BTBD3: variants seen among roughly 807,000 people sequenced by gnomAD.
BTBD3 encodes BTB/POZ domain-containing protein 3.
BTBD3 carries 14 observed loss-of-function variants against 41.6 expected under a neutral mutation model. The ratio of observed to expected loss-of-function variants is 0.34; its 90% CI spans 0.22 to 0.53. The LOEUF (loss-of-function observed/expected upper bound fraction) is 0.53. Ranked by LOEUF, BTBD3 falls within the 20% of genes least tolerant of loss-of-function variation. The probability of loss-of-function intolerance (pLI) is 0.95; values close to 1 mark genes in which losing one functional copy is unlikely to be tolerated. For synonymous variants in BTBD3, 249 were observed against 233.7 expected (o/e 1.07, Z -0.60); for missense variants, 426 against 654.7 (o/e 0.65, Z 3.81).
chr20:11,915,203 C>G (rs1024433416), upstream of BTBD3, among the ~76,000 whole-genome samples: 44 of 152,182 alleles, frequency 2.9e-4, no homozygotes, highest in African/African-American at 1.1e-3. Flanking sequence ...TCATCACTGT[C>G]ATTATCTTTT....
intron 1 of BTBD3, among the ~76,000 whole-genome samples, chr20:11,904,814 G>C (rs958603076): frequency 3.3e-5 from 5 of 152,164 alleles, no homozygotes; most frequent in Non-Finnish European, 7.3e-5. Context: ...ATAAGTAGTA[G>C]TTTCTTAAAG....
At chr20:11,900,011 T>G (rs1270963100) in intron 1 of BTBD3, among the ~76,000 whole-genome samples, 1 of 152,222 alleles carries the variant, frequency 6.6e-6, no homozygotes, top group Non-Finnish European at 1.5e-5. Flanking sequence ...TATACCTAGC[T>G]CCTTGTGTAT....
rs112568123 is a variant in BTBD3 at position 11,923,874 on chromosome 20, C to T, written c.*208C>T. 2.4e-5 allele frequency: 13 copies of T among 542,706 alleles called. No homozygotes were observed. The highest frequency in any genetic ancestry group is 6.1e-5 in the East Asian group (2 of 32,812). 33.6% of individuals were successfully genotyped at this position (542,706 alleles called of 1,614,324 possible). The stretch of plus-strand genomic sequence containing the variant: ...TTAACTATCTGCTTAAAAGAGCTAA[C>T]GTTCTTATTAAGGCTTTGTGGTTTT... On this transcript the variant is annotated 3_prime_UTR_variant, in exon 4 of 4. Transcript: ENST00000378226. The surrounding 1 kb of genome is among the most constrained non-coding windows in gnomAD (Gnocchi z 5.3).
chr20:11,906,057 A>G (rs2056851588), intron 1 of BTBD3, among the ~76,000 whole-genome samples: 1 of 151,740 alleles, frequency 6.6e-6, no homozygotes, highest in African/African-American at 2.4e-5. Context: ...ATTTGAGCAG[A>G]TTTATTTATT....
intron 3 of BTBD3, 89 bp downstream of exon 3, chr20:11,919,925 C>G: frequency 8.7e-7 from 1 of 1,143,304 alleles, no homozygotes; most frequent in Non-Finnish European, 1.3e-6. Flanking sequence ...TTCTGCATAA[C>G]AGAAAAGAAG....
intron 1 of BTBD3, among the ~76,000 whole-genome samples, chr20:11,892,091 A>G (rs1303369918): frequency 6.6e-6 from 1 of 152,232 alleles, no homozygotes; most frequent in African/African-American, 2.4e-5. Flanking sequence ...TGGTGAGATG[A>G]AACTCAAATT....
chr20:11,919,347 C>G (rs2078588808), intron 2 of BTBD3, 171 bp downstream of exon 2: 2 of 1,409,162 alleles, frequency 1.4e-6, no homozygotes, highest in Non-Finnish European at 1.8e-6. Flanking sequence ...TTAATTTTTT[C>G]TTTGTTTCCT....
chr20:11,898,193 C>T (rs1342126743), intron 1 of BTBD3, among the ~76,000 whole-genome samples: 1 of 151,884 alleles, frequency 6.6e-6, no homozygotes, highest in Non-Finnish European at 1.5e-5. Flanking sequence ...ATTAAAAAGC[C>T]CTACATGATC....
Position 11,918,503 on chromosome 20 carries a change from C to T in BTBD3, c.228C>T (p.Ser76=), listed in dbSNP as rs762961447. Residue 76 remains serine (S), a synonymous_variant, in exon 1 of 4, where the codon AGC becomes AGT. Transcript: ENST00000378226. ...CCCGTAAAAAGCCAGCCAACTCCAG[C>T]AGCACCAGCGTCCAGCAGTACCACC... is the stretch of plus-strand genomic sequence containing the variant. The part of the protein sequence containing the change: ...IFPRKKPANS[S]STSVQQYHQQ... 1 of 1,614,188 alleles carries T rather than the reference C, an allele frequency of 6.2e-7. No homozygotes were observed. Among genetic ancestry groups the T allele is most frequent in the Non-Finnish European group, 8.5e-7 (1 of 1,180,014 alleles).
chr20:11,890,954 G>A (rs1384081667), exon 1 of BTBD3: 3 of 983,670 alleles, frequency 3.0e-6, no homozygotes, highest in African/African-American at 1.8e-5. Flanking sequence ...GAGCGCTGGC[G>A]GTGAGTGAGG....
upstream of BTBD3, among the ~76,000 whole-genome samples, chr20:11,916,859 A>G (rs1169365478): frequency 6.6e-6 from 1 of 152,178 alleles, no homozygotes; most frequent in Non-Finnish European, 1.5e-5. Context: ...CCCTCTTTAC[A>G]ATAAATAAGC....
rs1409891984 is a variant in BTBD3 at position 11,918,085 on chromosome 20, C to T, written c.-191C>T. On this transcript the variant is annotated 5_prime_UTR_variant, in exon 1 of 4. Transcript: ENST00000378226. ...TCATGATGGGGATATATTTAACAGACCCAGTACTGGATAAAACTTAAAGCC... is the reference window on the plus strand; with the variant it reads ...TCATGATGGGGATATATTTAACAGATCCAGTACTGGATAAAACTTAAAGCC... 3 of 1,414,020 alleles carry T rather than the reference C, an allele frequency of 2.1e-6. No homozygotes were observed. Among genetic ancestry groups the T allele is most frequent in the South Asian group, 1.8e-5 (1 of 56,130 alleles). 87.6% of individuals were successfully genotyped at this position (1,414,020 alleles called of 1,614,324 possible). A position where few individuals can be genotyped will look rare whatever the true frequency, so the allele number is the denominator to read the frequency against.
At chr20:11,910,624 T>A (rs2122244597) in intron 1 of BTBD3, 1 of 152,344 alleles carries the variant, frequency 6.6e-6, no homozygotes, top group Non-Finnish European at 1.5e-5. Context: ...TATCTTCTAA[T>A]GAGTCATTTA....
At chr20:11,919,504 CAT>C in intron 2 of BTBD3, 1 of 1,229,128 alleles carries the variant, frequency 8.1e-7, no homozygotes, top group Non-Finnish European at 1.1e-6. Context: ...AATGAGGGGA[CAT>C]GTGCATTAAT....
chr20:11,922,540 G>A (rs2122330314), intron 3 of BTBD3, 94 bp from the exon 4 acceptor site: 3 of 1,085,042 alleles, frequency 2.8e-6, no homozygotes, highest in East Asian at 2.4e-5. Flanking sequence ...ATAAGATGAT[G>A]TTCTCAGAAC....
At chr20:11,918,997 T>C (rs1260167333) in intron 1 of BTBD3, 89 bp from the exon 2 acceptor site, 2 of 950,096 alleles carry the variant, frequency 2.1e-6, no homozygotes, top group African/African-American at 1.6e-5. Flanking sequence ...GTTGCTTAGC[T>C]TGCAAGTCTT....
In BTBD3 at chr20:11,912,448, T is replaced by G. The variant is rs568863424; in HGVS notation, c.-125-5886T>G. On this transcript the variant is annotated intron_variant, in intron 1 of 4. Transcript: ENST00000254977. ...TCACAGTGCACAGCACAAATCTTGC[T>G]TATTATTGAACCTTCCCTGCAAAAT... Among the ~76,000 whole-genome samples, 34 of 152,336 alleles carry G rather than the reference T, an allele frequency of 2.2e-4. No individual in the cohort carries two copies. In the East Asian group the frequency reaches 6.4e-3, roughly 29 times the overall value.
At chr20:11,904,756 A>T (rs1033635478) in intron 1 of BTBD3, among the ~76,000 whole-genome samples, 1 of 152,238 alleles carries the variant, frequency 6.6e-6, no homozygotes, top group African/African-American at 2.4e-5. Context: ...GAATATTTTA[A>T]TAGCATTTTC....
At chr20:11,899,023 G>T (rs1568608056) in intron 1 of BTBD3, among the ~76,000 whole-genome samples, 1 of 152,106 alleles carries the variant, frequency 6.6e-6, no homozygotes, top group South Asian at 2.1e-4. Context: ...GGGTTCCCTG[G>T]TAAATATCAG....
Sources: gnomAD v4.1 joint callset for allele counts (sites outside exome capture counted in the v4.1 genomes callset) on GRCh38, gnomAD v4.1.1 for gene constraint, Gnocchi (gnomAD v3.1) non-coding constraint, MANE v1.5 for transcripts, NCBI Gene and HGNC (gene_info 2026-07-23, HGNC 2026-07-21) for gene names.